PTPRD: variants seen among roughly 807,000 people sequenced by gnomAD.
The protein encoded by PTPRD is protein tyrosine phosphatase receptor type D.
In PTPRD, 34 loss-of-function variants were observed where a neutral mutation model predicts 214.5. The observed-to-expected ratio is 0.16, with a 90% CI of 0.12 to 0.21. The LOEUF is 0.21. Among genes scored for constraint, PTPRD ranks in the 10% least tolerant of loss-of-function variants. PTPRD has a pLI of 1.00. For synonymous variants in PTPRD, 1,128 were observed against 845.7 expected (o/e 1.33, Z -5.79); for missense variants, 2,545 against 2,398.7 (o/e 1.06, Z -1.27).
At chr9:10,298,903 AT>A (rs150444570) in intron 3 of PTPRD, among the ~76,000 whole-genome samples, 1,932 of 152,134 alleles carry the variant, frequency 0.013, 29 homozygotes, top group African/African-American at 0.044. Flanking sequence ...TTTTAATTAT[AT>A]TTTGCCCATC....
intron 11 of PTPRD, among the ~76,000 whole-genome samples, chr9:8,878,529 T>C (rs948945991): frequency 2.0e-5 from 3 of 152,088 alleles, no homozygotes; most frequent in African/African-American, 7.2e-5. Flanking sequence ...CTTTTCTTTT[T>C]TTTTTGTTTT....
intron 6 of PTPRD, among the ~76,000 whole-genome samples, chr9:9,744,654 C>T (rs1264698832): frequency 6.6e-6 from 1 of 151,814 alleles, no homozygotes; most frequent in Non-Finnish European, 1.5e-5. Context: ...TATACATATA[C>T]ATAAATATAT....
intron 4 of PTPRD, among the ~76,000 whole-genome samples, chr9:9,948,431 A>C (rs2093059686): frequency 6.6e-6 from 1 of 152,088 alleles, no homozygotes; most frequent in African/African-American, 2.4e-5. Flanking sequence ...TGCCTGAAAA[A>C]GAATAAGTCT....
intron 7 of PTPRD, among the ~76,000 whole-genome samples, chr9:9,649,807 G>A (rs60119325): frequency 0.058 from 8,840 of 152,110 alleles, 796 homozygotes; most frequent in African/African-American, 0.19. Context: ...CAAAACTTAA[G>A]CTTTAACATT....
At chr9:8,441,911 C>T (rs144909847) in intron 34 of PTPRD, among the ~76,000 whole-genome samples, 9 of 152,136 alleles carry the variant, frequency 5.9e-5, no homozygotes, top group African/African-American at 2.2e-4. Context: ...TCTTTCCAAC[C>T]ATTTAACACC....
intron 36 of PTPRD, among the ~76,000 whole-genome samples, chr9:8,393,416 T>C (rs2090210169): frequency 6.6e-6 from 1 of 152,136 alleles, no homozygotes; most frequent in African/African-American, 2.4e-5. Context: ...CAGTGCTTGA[T>C]TTGTTTTTTG....
intron 8 of PTPRD, among the ~76,000 whole-genome samples, chr9:9,473,825 T>C (rs71497141): frequency 0.082 from 12,441 of 151,770 alleles, 520 homozygotes; most frequent in South Asian, 0.13. Context: ...TCTTTTTTTT[T>C]TTTTTGCTGT....
chr9:8,866,335 T>A (rs1343901535), intron 11 of PTPRD, among the ~76,000 whole-genome samples: 1 of 152,172 alleles, frequency 6.6e-6, no homozygotes, highest in Non-Finnish European at 1.5e-5. Context: ...TCTTTCCTTT[T>A]CTTACCACCA....
intron 9 of PTPRD, among the ~76,000 whole-genome samples, chr9:9,290,375 G>GTTTT (rs1950769798): frequency 6.6e-6 from 1 of 151,566 alleles, no homozygotes; most frequent in Non-Finnish European, 1.5e-5. Flanking sequence ...CATATACAAG[G>GTTTT]TTTGCAAATA....
intron 3 of PTPRD, among the ~76,000 whole-genome samples, chr9:10,219,527 G>T (rs1203655928): frequency 2.6e-5 from 4 of 151,842 alleles, no homozygotes; most frequent in East Asian, 3.9e-4. Flanking sequence ...AGGCCCATTT[G>T]TGTAGAGTTA....
intron 10 of PTPRD, among the ~76,000 whole-genome samples, chr9:9,047,600 T>C (rs897769772): frequency 1.3e-5 from 2 of 152,104 alleles, no homozygotes; most frequent in Non-Finnish European, 2.9e-5. Context: ...TCTGAAAACC[T>C]ACAGTGAACT....
At chr9:8,582,577 A>T (rs2093272952) in intron 14 of PTPRD, among the ~76,000 whole-genome samples, 1 of 152,222 alleles carries the variant, frequency 6.6e-6, no homozygotes, top group Non-Finnish European at 1.5e-5. Flanking sequence ...GGAAAAAAGG[A>T]AATTAACTGG....
intron 5 of PTPRD, among the ~76,000 whole-genome samples, chr9:9,846,094 T>C (rs2059475155): frequency 6.6e-6 from 1 of 152,160 alleles, no homozygotes; most frequent in South Asian, 2.1e-4. Flanking sequence ...CTATTTTTAA[T>C]ATTAGCTATT....
At chr9:9,587,152 T>A (rs1458073524) in intron 7 of PTPRD, among the ~76,000 whole-genome samples, 1 of 151,952 alleles carries the variant, frequency 6.6e-6, no homozygotes, top group Non-Finnish European at 1.5e-5. Context: ...GGAATCAACT[T>A]CAGGCTTCTA....
intron 7 of PTPRD, among the ~76,000 whole-genome samples, chr9:9,602,722 T>C (rs907037150): frequency 2.0e-5 from 3 of 152,102 alleles, no homozygotes; most frequent in Non-Finnish European, 4.4e-5. Flanking sequence ...TTACTCTATC[T>C]TATTCCCGTC....
intron 8 of PTPRD, among the ~76,000 whole-genome samples, chr9:9,425,126 T>A (rs1355331174): frequency 6.6e-6 from 1 of 152,014 alleles, no homozygotes; most frequent in Non-Finnish European, 1.5e-5. Context: ...ACAGACCATA[T>A]GAAGAGAGTA....
chr9:9,348,308 C>A (rs1411369587), intron 9 of PTPRD, among the ~76,000 whole-genome samples: 1 of 152,058 alleles, frequency 6.6e-6, no homozygotes, highest in Non-Finnish European at 1.5e-5. Context: ...AAAGTTGTGA[C>A]TAGAAAATAG....
intron 2 of PTPRD, among the ~76,000 whole-genome samples, chr9:10,469,600 C>T (rs2099016824): frequency 6.6e-6 from 1 of 151,984 alleles, no homozygotes; most frequent in African/African-American, 2.4e-5. Context: ...AACAGTATGG[C>T]GCTTCCTCAA....
chr9:10,060,917 T>C lies in PTPRD; in HGVS notation c.-544-27127A>G, dbSNP rs541445099. 5.7e-4 allele frequency among the ~76,000 whole-genome samples: 71 copies of C among 124,110 alleles called. 11 individuals carry two copies. The highest frequency in any genetic ancestry group is 2.9e-3 in the African/African-American group (57 of 19,602). 81.4% of individuals were successfully genotyped at this position (124,110 alleles called of 152,430 possible). ...CCTTCCTTCTTTCTTTCTTTCTTTC[T>C]TTCTTTCTTTCTTTCTTTCTTTCTT... On this transcript the variant is annotated intron_variant, in intron 3 of 45. Coordinates refer to ENST00000381196, the MANE Select transcript of PTPRD (RefSeq NM_002839.4).
Sources: allele counts gnomAD v4.1 joint callset (sites outside exome capture counted in the v4.1 genomes callset), GRCh38; gene constraint gnomAD v4.1.1; transcripts MANE v1.5; gene names NCBI Gene and HGNC (gene_info 2026-07-23, HGNC 2026-07-21).